The following NKAIN2 variants were observed in gnomAD, a reference collection of about 807,000 sequenced individuals.
NKAIN2 encodes the protein sodium/potassium transporting ATPase interacting 2, also known as sodium/potassium-transporting ATPase subunit beta-1-interacting protein 2.
Under a neutral mutation model 32.6 loss-of-function variants are expected in NKAIN2, and 14 were observed. The ratio of observed to expected loss-of-function variants is 0.43; its 90% confidence interval spans 0.28 to 0.67. NKAIN2 has a LOEUF of 0.67. NKAIN2 is among the 30% of genes least tolerant of loss of function. The pLI is 0.17. For synonymous variants in NKAIN2, 80 were observed against 87.2 expected, an observed-to-expected ratio of 0.92 and a Z score of 0.46; for missense variants, 198 against 258.3, an observed-to-expected ratio of 0.77 and a Z score of 1.60.
chr6:124,413,615 C>A (rs1774323443), intron 3 of NKAIN2, among the ~76,000 whole-genome samples: 1 of 152,094 alleles, frequency 6.6e-6, no homozygotes, highest in Non-Finnish European at 1.5e-5. Flanking sequence ...AGGGATTGCA[C>A]TAAAGCTATC....
At chr6:124,193,550 T>C (rs1318604309) in intron 1 of NKAIN2, among the ~76,000 whole-genome samples, 3 of 152,132 alleles carry the variant, frequency 2.0e-5, no homozygotes, top group Admixed American at 1.3e-4. Flanking sequence ...GGAGCTCCTA[T>C]GTCTGGCTCC....
At chr6:124,247,165 C>T (rs937688608) in intron 1 of NKAIN2, among the ~76,000 whole-genome samples, 1 of 151,914 alleles carries the variant, frequency 6.6e-6, no homozygotes, top group African/African-American at 2.4e-5. Context: ...AATGCAAGGG[C>T]GGGGTCATGG....
At chr6:124,397,381 G>A (rs983620531) in intron 3 of NKAIN2, among the ~76,000 whole-genome samples, 6 of 151,916 alleles carry the variant, frequency 3.9e-5, no homozygotes, top group East Asian at 1.9e-4. Context: ...TAATGATGAC[G>A]TCTAAGAACA....
At chr6:124,286,925 G>A (rs141529594) in intron 2 of NKAIN2, among the ~76,000 whole-genome samples, 32 of 151,988 alleles carry the variant, frequency 2.1e-4, no homozygotes, top group East Asian at 1.7e-3. Flanking sequence ...CTCATGATCC[G>A]CCCACCTTGG....
intron 1 of NKAIN2, among the ~76,000 whole-genome samples, chr6:124,049,667 A>G (rs1258778047): frequency 6.6e-6 from 1 of 152,008 alleles, no homozygotes; most frequent in Non-Finnish European, 1.5e-5. Flanking sequence ...GTAGCATGAT[A>G]AAATCTCACA....
intron 3 of NKAIN2, among the ~76,000 whole-genome samples, chr6:124,587,239 C>G (rs1380842899): frequency 1.3e-5 from 2 of 151,242 alleles, no homozygotes; most frequent in African/African-American, 4.9e-5. Context: ...CCAAACTCCT[C>G]TTTTTTTTTG....
chr6:124,098,149 A>T (rs779893444), intron 1 of NKAIN2, among the ~76,000 whole-genome samples: 3 of 152,194 alleles, frequency 2.0e-5, no homozygotes, highest in Non-Finnish European at 2.9e-5. Context: ...CCTTAAAAAG[A>T]TAACTAAATG....
chr6:124,259,664 G>A (rs1794130570), intron 1 of NKAIN2, among the ~76,000 whole-genome samples: 1 of 152,062 alleles, frequency 6.6e-6, no homozygotes, highest in Non-Finnish European at 1.5e-5. Context: ...ACCACCACAG[G>A]CCAGAAGACA....
At chr6:124,619,510 C>T (rs530221324) in intron 3 of NKAIN2, among the ~76,000 whole-genome samples, 1 of 152,172 alleles carries the variant, frequency 6.6e-6, no homozygotes, top group African/African-American at 2.4e-5. Flanking sequence ...AATTTCATTT[C>T]ACTTGAAGAA....
At chr6:124,597,981 G>T (rs1412717013) in intron 3 of NKAIN2, among the ~76,000 whole-genome samples, 1 of 152,138 alleles carries the variant, frequency 6.6e-6, no homozygotes, top group Non-Finnish European at 1.5e-5. Context: ...GTGCTGTCAA[G>T]TACAACTTTT....
chr6:124,360,466 C>G (rs1562513523), intron 3 of NKAIN2, among the ~76,000 whole-genome samples: 1 of 151,678 alleles, frequency 6.6e-6, no homozygotes, highest in Non-Finnish European at 1.5e-5. Flanking sequence ...CAGGACTAAC[C>G]CTTTTGATCA....
chr6:124,538,739 G>A lies in NKAIN2; in HGVS notation c.274-119447G>A, dbSNP rs939769486. On this transcript the variant is annotated intron_variant, in intron 3 of 6. Transcript: ENST00000368417. ...TTAGTATAACTTTAAAGATTAAATCGTTGGGTGCTGCACTCTGAATTTATA... is the reference window on the plus strand; with the variant it reads ...TTAGTATAACTTTAAAGATTAAATCATTGGGTGCTGCACTCTGAATTTATA... Among the ~76,000 whole-genome samples, 5 of 152,074 alleles carry A rather than the reference G, an allele frequency of 3.3e-5. No individual in the cohort carries two copies. In the East Asian group the frequency reaches 7.7e-4, roughly 24 times the overall value.
chr6:124,518,747 G>A (rs577186513), intron 3 of NKAIN2, among the ~76,000 whole-genome samples: 6 of 152,274 alleles, frequency 3.9e-5, no homozygotes, highest in Non-Finnish European at 7.4e-5. Context: ...ATGAGATTAA[G>A]ATTATCCCCA....
At chr6:124,260,676 A>G (rs1159340783) in intron 1 of NKAIN2, among the ~76,000 whole-genome samples, 3 of 152,154 alleles carry the variant, frequency 2.0e-5, no homozygotes, top group Admixed American at 2.0e-4. Context: ...CCACTGGAGA[A>G]CATTTAGCAG....
At chr6:124,318,433 A>G (rs1443240247) in intron 2 of NKAIN2, among the ~76,000 whole-genome samples, 4 of 151,984 alleles carry the variant, frequency 2.6e-5, no homozygotes, top group South Asian at 4.1e-4. Flanking sequence ...CAGCATTTTT[A>G]TCATCTCCCA....
chr6:124,223,355 T>C (rs1057451258), intron 1 of NKAIN2, among the ~76,000 whole-genome samples: 5 of 151,240 alleles, frequency 3.3e-5, no homozygotes, highest in Non-Finnish European at 4.4e-5. Context: ...AAAGATCCAA[T>C]GAATAGGAAA....
At chr6:124,635,088 AAG>A (rs1459881849) in intron 3 of NKAIN2, among the ~76,000 whole-genome samples, 1 of 147,728 alleles carries the variant, frequency 6.8e-6, no homozygotes, top group Non-Finnish European at 1.5e-5. Context: ...CAAAGAAAGA[AAG>A]AGAAAGAAAG....
Position 123,903,190 on chromosome 6 carries a change from C to G in NKAIN2, c.54+98936C>G, listed in dbSNP as rs190392927. On this transcript the variant is annotated intron_variant, in intron 1 of 6. Transcript: ENST00000368417. ...ATGAAACGATGCAGCTGATGTCTGTCACGAAACCTTTGCCATATTAGCTGT... is the reference window on the plus strand; with the variant it reads ...ATGAAACGATGCAGCTGATGTCTGTGACGAAACCTTTGCCATATTAGCTGT... 2.3e-3 allele frequency among the ~76,000 whole-genome samples: 347 copies of G among 152,332 alleles called. 12 individuals are homozygous for G. Among genetic ancestry groups the G allele is most frequent in the Non-Finnish European group, 2.6e-4 (18 of 68,036 alleles).
In NKAIN2 at chr6:124,699,427, C is replaced by T. The variant is rs550501286; in HGVS notation, c.474+41041C>T. 1.3e-3 allele frequency among the ~76,000 whole-genome samples: 203 copies of T among 152,246 alleles called. 1 individual carries two copies. Among genetic ancestry groups the T allele is most frequent in the African/African-American group, 4.8e-3 (199 of 41,550 alleles). On this transcript the variant is annotated intron_variant, in intron 4 of 6. Transcript: ENST00000368417. ...GCCTTTATGAACCAGCCTTGTTATA[C>T]GGTTTTGATCTCTGTCCCTGACCAA...
Sources: allele counts gnomAD v4.1 joint callset (sites outside exome capture counted in the v4.1 genomes callset), GRCh38; gene constraint gnomAD v4.1.1; transcripts MANE v1.5; gene names NCBI Gene and HGNC (gene_info 2026-07-23, HGNC 2026-07-21).